MALRD1: variants seen among roughly 807,000 people sequenced by gnomAD.
MALRD1 encodes MAM and LDL-receptor class A domain-containing protein 1.
Under a neutral mutation model 242.1 loss-of-function variants are expected in MALRD1, and 247 were observed. The observed-to-expected ratio is 1.02, with a 90% CI of 0.92 to 1.13. MALRD1 has a LOEUF of 1.13. MALRD1 is among the 50% of genes most tolerant of loss of function. MALRD1 has a pLI of 0.00. For missense variants in MALRD1, 2,989 were observed against 2,533.1 expected (o/e 1.18, Z -3.86); for synonymous variants, 995 against 866.6 (o/e 1.15, Z -2.60).
rs566290461 is a variant in MALRD1 at position 19,125,666 on chromosome 10, A to G, written c.943+996A>G. Among the ~76,000 whole-genome samples the G allele has an allele frequency of 5.3e-5, 8 of 151,338 alleles. No homozygotes were observed. The South Asian group carries it at 1.7e-3, about 32-fold the overall frequency. ...TCTTAATTTTTAGGGTATATTCTTT[A>G]TATGAAATTTCTTTAACAAAACCTA... On this transcript the variant is annotated intron_variant, in intron 7 of 39. Transcript: ENST00000454679.
At chr10:19,251,679 A>G (rs1373022918) in intron 18 of MALRD1, among the ~76,000 whole-genome samples, 1 of 152,056 alleles carries the variant, frequency 6.6e-6, no homozygotes, top group Non-Finnish European at 1.5e-5. Context: ...AGGAATGGCA[A>G]ACCCAAATAA....
At chr10:19,714,917 T>C (rs1834313331) in intron 38 of MALRD1, among the ~76,000 whole-genome samples, 1 of 152,158 alleles carries the variant, frequency 6.6e-6, no homozygotes, top group South Asian at 2.1e-4. Context: ...GGCCCATAAA[T>C]AGAACTTGGG....
At chr10:19,370,840 G>C (rs1845339423) in intron 26 of MALRD1, among the ~76,000 whole-genome samples, 2 of 152,124 alleles carry the variant, frequency 1.3e-5, no homozygotes, top group Non-Finnish European at 2.9e-5. Flanking sequence ...GCCTCCCAAA[G>C]TGCTGGGATA....
At chr10:19,135,179 G>A (rs1266849435) in intron 9 of MALRD1, among the ~76,000 whole-genome samples, 1 of 152,028 alleles carries the variant, frequency 6.6e-6, no homozygotes, top group Non-Finnish European at 1.5e-5. Flanking sequence ...GTTTGAAATG[G>A]AGTCTTGCTC....
At chr10:19,443,859 C>G (rs1482552202) in intron 28 of MALRD1, among the ~76,000 whole-genome samples, 1 of 152,174 alleles carries the variant, frequency 6.6e-6, no homozygotes. Context: ...CAGCTGAGTT[C>G]AAGTCCTGGA....
At chr10:19,425,452 G>A (rs1490968457) in intron 28 of MALRD1, among the ~76,000 whole-genome samples, 2 of 152,148 alleles carry the variant, frequency 1.3e-5, no homozygotes. Flanking sequence ...ACGTGTGTGT[G>A]TGTATGTATA....
chr10:19,553,226 G>T (rs570255049), intron 32 of MALRD1, among the ~76,000 whole-genome samples: 1 of 152,126 alleles, frequency 6.6e-6, no homozygotes, highest in South Asian at 2.1e-4. Flanking sequence ...TGGGCTCTAT[G>T]GTTGGACAAG....
intron 38 of MALRD1, among the ~76,000 whole-genome samples, chr10:19,712,882 A>G (rs923520032): frequency 3.9e-5 from 6 of 152,208 alleles, no homozygotes; most frequent in Non-Finnish European, 5.9e-5. Context: ...ATGTAAGTCA[A>G]TATTTACTCA....
intron 28 of MALRD1, among the ~76,000 whole-genome samples, chr10:19,412,325 T>A (rs1431650066): frequency 6.6e-6 from 1 of 152,156 alleles, no homozygotes; most frequent in Non-Finnish European, 1.5e-5. Flanking sequence ...TATTATGTAC[T>A]CTCTTAAATG....
At chr10:19,329,860 A>T (rs934896457) in intron 23 of MALRD1, among the ~76,000 whole-genome samples, 3 of 152,210 alleles carry the variant, frequency 2.0e-5, no homozygotes, top group African/African-American at 7.2e-5. Context: ...AAGCATTGAG[A>T]TATAAGTGAT....
chr10:19,088,396 A>G (rs1273834046), intron 4 of MALRD1, among the ~76,000 whole-genome samples: 2 of 152,064 alleles, frequency 1.3e-5, no homozygotes, highest in Admixed American at 6.6e-5. Flanking sequence ...TTTGAATTTT[A>G]TGTATTAAAA....
rs138477720 is a variant in MALRD1, at chr10:19,419,188, T to C, written c.4845+29579T>C. On this transcript the variant is annotated intron_variant, in intron 28 of 39. Coordinates refer to ENST00000454679, the MANE Select transcript of MALRD1 (RefSeq NM_001142308.3). The stretch of plus-strand genomic sequence containing the variant: ...TCATTTCCCTTAACTCATGATCCTT[T>C]ACACTTTCCTGGTTTAAAACATGGT... Among the ~76,000 whole-genome samples, 121 of 152,308 alleles carry C rather than the reference T, an allele frequency of 7.9e-4. 1 individual carries two copies. In the Middle Eastern group the frequency reaches 0.014, roughly 17 times the overall value.
rs1468738932 is a variant in MALRD1, at chr10:19,205,281, T to C, written c.2578+16T>C. On this transcript the variant is annotated intron_variant, in intron 17 of 39. Transcript: ENST00000454679. ...GTCAACTGTGGTAAGTTCTTTTTGG[T>C]TGGGGGATTCTCTTTCTCATTTTGA... is the stretch of plus-strand genomic sequence containing the variant. The C allele has an allele frequency of 6.6e-7, 1 of 1,522,744 alleles. No individual in the cohort carries two copies. Among genetic ancestry groups the C allele is most frequent in the East Asian group, 2.5e-5 (1 of 40,634 alleles). 94.3% of individuals were successfully genotyped at this position (1,522,744 alleles called of 1,614,324 possible).
chr10:19,732,432 T>G (rs1229234545), intron 39 of MALRD1, among the ~76,000 whole-genome samples: 1 of 152,062 alleles, frequency 6.6e-6, no homozygotes, highest in East Asian at 1.9e-4. Flanking sequence ...CCAGCTAATT[T>G]TTGTATTTTT....
chr10:19,598,425 T>C (rs940587455), intron 34 of MALRD1: 10 of 151,770 alleles, frequency 6.6e-5, no homozygotes, highest in African/African-American at 2.4e-4. Context: ...CTTCTCTTCC[T>C]TCCAGAAAGT....
chr10:19,621,961 A>T (rs1839421648), intron 36 of MALRD1, among the ~76,000 whole-genome samples: 1 of 151,842 alleles, frequency 6.6e-6, no homozygotes, highest in African/African-American at 2.4e-5. Flanking sequence ...TTTAACATCT[A>T]TTCTTTATAT....
intron 28 of MALRD1, among the ~76,000 whole-genome samples, chr10:19,444,007 A>G (rs573594857): frequency 1.1e-3 from 174 of 152,250 alleles, no homozygotes; most frequent in African/African-American, 4.0e-3. Context: ...TTGGGTGCAT[A>G]TATATTTAGA....
intron 25 of MALRD1, among the ~76,000 whole-genome samples, chr10:19,350,090 C>T (rs1294331284): frequency 1.3e-5 from 2 of 151,810 alleles, no homozygotes; most frequent in East Asian, 1.9e-4. Flanking sequence ...ATATATTCAT[C>T]GGGTAAGCAG....
chr10:19,569,746 A>G (rs1044989275), intron 33 of MALRD1, among the ~76,000 whole-genome samples: 4 of 147,140 alleles, frequency 2.7e-5, no homozygotes, highest in African/African-American at 9.8e-5. Context: ...CAGTCCATAT[A>G]TAGAATTCCA....
Sources: gnomAD v4.1 joint callset for allele counts (sites outside exome capture counted in the v4.1 genomes callset) on GRCh38, gnomAD v4.1.1 for gene constraint, MANE v1.5 for transcripts, NCBI Gene and HGNC (gene_info 2026-07-23, HGNC 2026-07-21) for gene names.